The following ZNF618 variants were observed in gnomAD, a reference collection of about 807,000 sequenced individuals.
The protein encoded by ZNF618 is zinc finger protein 618.
A neutral mutation model predicts 103.0 loss-of-function variants in ZNF618; 34 were observed. The observed-to-expected ratio is 0.33, with a 90% CI of 0.25 to 0.44. The LOEUF (loss-of-function observed/expected upper bound fraction) is 0.44, where lower values mean the gene tolerates loss of function less well. Ranked by LOEUF, ZNF618 falls within the 20% of genes least tolerant of loss-of-function variation. ZNF618 has a pLI of 1.00. For missense variants in ZNF618, 1,059 were observed against 1,295.4 expected, an observed-to-expected ratio of 0.82 and a Z score of 2.80; for synonymous variants, 551 against 542.2, an observed-to-expected ratio of 1.02 and a Z score of -0.23.
intron 2 of ZNF618, among the ~76,000 whole-genome samples, chr9:113,972,200 A>G (rs1488718644): frequency 6.6e-6 from 1 of 152,114 alleles, no homozygotes; most frequent in Non-Finnish European, 1.5e-5. Context: ...GGCATGCAGC[A>G]CTACCCCTGG....
In ZNF618 at chr9:114,017,798, A is replaced by G. The variant is rs1352676195; in HGVS notation, c.844+1014A>G. The stretch of plus-strand genomic sequence containing the variant: ...GTCTGGGAAGGCCCAGGTCCCTCCT[A>G]GAGCCCTGCTGTTGGGATACCAAGG... On this transcript the variant is annotated intron_variant, in intron 10 of 14. Transcript: ENST00000374126. Among the ~76,000 whole-genome samples the G allele has an allele frequency of 2.6e-5, 4 of 152,152 alleles. No individual in the cohort carries two copies. In the East Asian group the frequency reaches 7.7e-4, roughly 29 times the overall value.
At chr9:113,970,330 C>T (rs555932761) in intron 2 of ZNF618, among the ~76,000 whole-genome samples, 10 of 152,050 alleles carry the variant, frequency 6.6e-5, no homozygotes, top group East Asian at 3.9e-4. Context: ...GTAATGTGTT[C>T]GGCTTAGTGT....
chr9:113,932,995 C>T (rs867226339), intron 1 of ZNF618, among the ~76,000 whole-genome samples: 2 of 152,242 alleles, frequency 1.3e-5, no homozygotes, highest in South Asian at 2.1e-4. Context: ...GAGGAGGAAC[C>T]GGTCAATGGA....
intron 1 of ZNF618, among the ~76,000 whole-genome samples, chr9:113,901,913 G>C (rs894933931): frequency 2.6e-5 from 4 of 152,072 alleles, no homozygotes; most frequent in African/African-American, 9.7e-5. Context: ...TGTCGCAGTG[G>C]GGGGGACATC....
chr9:113,944,666 C>T (rs943923937), intron 1 of ZNF618, among the ~76,000 whole-genome samples: 3 of 152,058 alleles, frequency 2.0e-5, no homozygotes, highest in African/African-American at 4.8e-5. Flanking sequence ...TTCTGATATC[C>T]GTGTTAAAAA....
intron 2 of ZNF618, 54 bp from the exon 3 acceptor site, chr9:113,988,266 GC>G (rs777050044): frequency 7.1e-6 from 11 of 1,555,984 alleles, no homozygotes; most frequent in Non-Finnish European, 9.5e-6. Flanking sequence ...GGGCTGGTGG[GC>G]TCCTGTGTTG....
intron 1 of ZNF618, among the ~76,000 whole-genome samples, chr9:113,933,538 T>C (rs577170455): frequency 1.3e-5 from 2 of 152,228 alleles, no homozygotes; most frequent in East Asian, 3.9e-4. Flanking sequence ...AAGTAGCTGT[T>C]AGTGGAGAGC....
chr9:113,898,442 T>TG (rs1466650831), intron 1 of ZNF618, among the ~76,000 whole-genome samples: 1 of 151,152 alleles, frequency 6.6e-6, no homozygotes, highest in East Asian at 1.9e-4. Context: ...TTTTTCGTTT[T>TG]TTTTTTTTTT....
chr9:113,964,856 C>G (rs752829557), intron 1 of ZNF618, among the ~76,000 whole-genome samples: 8 of 142,830 alleles, frequency 5.6e-5, no homozygotes, highest in Non-Finnish European at 9.0e-5. Context: ...AGAATTTATG[C>G]TGGCTTGAAA....
At chr9:114,033,036 T>C (rs763642887) in intron 12 of ZNF618, among the ~76,000 whole-genome samples, 4 of 152,184 alleles carry the variant, frequency 2.6e-5, no homozygotes, top group Non-Finnish European at 5.9e-5. Context: ...TGATTGGGCC[T>C]GAGAGAGCCA....
intron 10 of ZNF618, among the ~76,000 whole-genome samples, chr9:114,026,107 A>C (rs1443171835): frequency 6.6e-6 from 1 of 152,140 alleles, no homozygotes; most frequent in Non-Finnish European, 1.5e-5. Flanking sequence ...GGGGAGGCAG[A>C]CTCCCTAAGG....
At chr9:114,038,495 A>G (rs1844830948) in intron 13 of ZNF618, among the ~76,000 whole-genome samples, 1 of 152,188 alleles carries the variant, frequency 6.6e-6, no homozygotes, top group African/African-American at 2.4e-5. Flanking sequence ...GGCTCCATAG[A>G]GAGAAATTAA....
chr9:114,055,708 TAAAA>T lies in ZNF618; in HGVS notation c.*5551_*5554del, dbSNP rs201068018. On this transcript the variant is annotated 3_prime_UTR_variant, in exon 15 of 15. Transcript: ENST00000374126. ...TGAGTGCAAGAAACTCAAGTCATCT[TAAAA>T]AAAAAAAAATACAAAAAAAATTTAC... The T allele has an allele frequency of 5.7e-5, 8 of 139,556 alleles. No individual in the cohort carries two copies. The highest frequency in any genetic ancestry group is 1.9e-4 in the African/African-American group (7 of 36,866). The allele number at this position is 139,556 out of a possible 1,614,324, so 8.6% of individuals were successfully genotyped here.
intron 1 of ZNF618, among the ~76,000 whole-genome samples, chr9:113,949,915 C>T (rs370311416): frequency 1.3e-5 from 2 of 152,162 alleles, no homozygotes; most frequent in African/African-American, 4.8e-5. Context: ...GGAGGCAATT[C>T]CCTGGCCTCT....
intron 11 of ZNF618, among the ~76,000 whole-genome samples, chr9:114,030,557 A>G (rs1472229506): frequency 6.6e-6 from 1 of 152,152 alleles, no homozygotes; most frequent in African/African-American, 2.4e-5. Flanking sequence ...AAGCTATGGG[A>G]CAGGCCTCAG....
Position 114,054,304 on chromosome 9 carries a change from G to A in ZNF618, c.*4137G>A, listed in dbSNP as rs560015872. On this transcript the variant is annotated 3_prime_UTR_variant, in exon 15 of 15. Coordinates refer to ENST00000374126, the MANE Select transcript of ZNF618 (RefSeq NM_001318042.2). ...GGTCATTGGGAAGGTTTGAAATGAA[G>A]ATGGGATGTGGCTGGAACAGCCTGT... The A allele has an allele frequency of 1.3e-5, 2 of 152,488 alleles. No individual in the cohort carries two copies. The highest frequency in any genetic ancestry group is 2.1e-4 in the South Asian group (1 of 4,828). The allele number at this position is 152,488 out of a possible 1,614,324, so 9.4% of individuals were successfully genotyped here. A position where few individuals can be genotyped will look rare whatever the true frequency, so the allele number is the denominator to read the frequency against.
chr9:113,893,160 G>A (rs1020058703), intron 1 of ZNF618, among the ~76,000 whole-genome samples: 2 of 152,216 alleles, frequency 1.3e-5, no homozygotes, highest in African/African-American at 4.8e-5. Flanking sequence ...AGGAAACTGA[G>A]GTTGAGTGAG....
chr9:114,040,678 G>T (rs1306816405), intron 13 of ZNF618, among the ~76,000 whole-genome samples: 1 of 152,158 alleles, frequency 6.6e-6, no homozygotes, highest in Non-Finnish European at 1.5e-5. Flanking sequence ...TTTTATGGCT[G>T]CATAGTATTC....
intron 2 of ZNF618, among the ~76,000 whole-genome samples, chr9:113,975,567 T>C (rs1047469526): frequency 2.0e-5 from 3 of 152,226 alleles, no homozygotes; most frequent in African/African-American, 7.2e-5. Flanking sequence ...CCAAAACTTT[T>C]TGAGCACCAA....
Sources: gnomAD v4.1 joint callset for allele counts (sites outside exome capture counted in the v4.1 genomes callset) on GRCh38, gnomAD v4.1.1 for gene constraint, MANE v1.5 for transcripts, NCBI Gene and HGNC (gene_info 2026-07-23, HGNC 2026-07-21) for gene names.